The following UGGT2 variants were observed in gnomAD, a reference collection of about 807,000 sequenced individuals.
UGGT2 encodes the protein UDP-glucose:glycoprotein glucosyltransferase 2.
UGGT2 carries 180 observed loss-of-function variants against 192.1 expected under a neutral mutation model. The ratio of observed to expected loss-of-function variants is 0.94; its 90% CI spans 0.83 to 1.06. The LOEUF (loss-of-function observed/expected upper bound fraction) is 1.06, where lower values mean the gene tolerates loss of function less well. UGGT2 is among the 50% of genes least tolerant of loss of function. The pLI is 0.00. For missense variants in UGGT2, 1,849 were observed against 1,795.7 expected (o/e 1.03, Z -0.54); for synonymous variants, 580 against 591.0 (o/e 0.98, Z 0.27).
At chr13:95,816,371 A>C (rs1361513168) in intron 38 of UGGT2, among the ~76,000 whole-genome samples, 1 of 152,166 alleles carries the variant, frequency 6.6e-6, no homozygotes, top group East Asian at 1.9e-4. Flanking sequence ...TCAGCCTCTT[A>C]GGTTAAATAC....
Position 95,814,259 on chromosome 13 carries a change from T to C in UGGT2, c.4529-12447A>G, listed in dbSNP as rs146162231. Among the ~76,000 whole-genome samples the C allele has an allele frequency of 1.5e-3, 233 of 152,318 alleles. 1 individual carries two copies. Among genetic ancestry groups the C allele is most frequent in the African/African-American group, 5.2e-3 (218 of 41,572 alleles). On this transcript the variant is annotated intron_variant, in intron 38 of 38. Transcript: ENST00000376747. ...TTGCACCTTCAGTGTGGAAAAGCTGTAGGCACTCAACTCTAGCCTGTGAGA... is the reference window on the plus strand; with the variant it reads ...TTGCACCTTCAGTGTGGAAAAGCTGCAGGCACTCAACTCTAGCCTGTGAGA...
At chr13:95,910,537 A>T (rs1019871973) in intron 20 of UGGT2, among the ~76,000 whole-genome samples, 1 of 152,218 alleles carries the variant, frequency 6.6e-6, no homozygotes, top group Non-Finnish European at 1.5e-5. Context: ...AAGAATAGCT[A>T]ACTATCCCAA....
chr13:95,929,352 G>A (rs573999026), intron 17 of UGGT2, among the ~76,000 whole-genome samples: 14 of 152,296 alleles, frequency 9.2e-5, no homozygotes, highest in Admixed American at 7.8e-4. Flanking sequence ...CAACACAGGT[G>A]TATCATGTAA....
Position 95,942,163 on chromosome 13 carries a change from T to C in UGGT2, c.1678-2072A>G, listed in dbSNP as rs139242235. 3.2e-3 allele frequency among the ~76,000 whole-genome samples: 479 copies of C among 152,036 alleles called. 3 individuals carry two copies. The highest frequency in any genetic ancestry group is 0.011 in the African/African-American group (454 of 41,444). ...TATCATAGTTTGTTGCTATTCTGAA[T>C]GATTCTGCTAACAATAGCCTCCTAA... is the stretch of plus-strand genomic sequence containing the variant. On this transcript the variant is annotated intron_variant, in intron 15 of 38. Coordinates refer to ENST00000376747, the MANE Select transcript of UGGT2 (RefSeq NM_020121.4).
chr13:95,932,430 T>C (rs923089794), intron 17 of UGGT2, among the ~76,000 whole-genome samples: 4 of 151,990 alleles, frequency 2.6e-5, no homozygotes, highest in Non-Finnish European at 5.9e-5. Context: ...ATGCTACTGA[T>C]TGCTGTGCAT....
intron 20 of UGGT2, among the ~76,000 whole-genome samples, 194 bp downstream of exon 20, chr13:95,925,486 G>C (rs1030758725): frequency 6.6e-6 from 1 of 152,126 alleles, no homozygotes; most frequent in African/African-American, 2.4e-5. Context: ...TATGTCACGA[G>C]TCATAGAAAA....
intron 38 of UGGT2, among the ~76,000 whole-genome samples, chr13:95,808,301 T>A (rs938439277): frequency 6.6e-6 from 1 of 152,152 alleles, no homozygotes; most frequent in African/African-American, 2.4e-5. Context: ...ATAAGAATAT[T>A]ACTGATCTTA....
chr13:95,995,592 TAC>T (rs1014577573), intron 7 of UGGT2, among the ~76,000 whole-genome samples: 5 of 151,680 alleles, frequency 3.3e-5, no homozygotes, highest in African/African-American at 7.3e-5. Context: ...AAATCTGCAA[TAC>T]ACACAAACTG....
chr13:95,939,932 C>T, intron 16 of UGGT2, 25 bp downstream of exon 16: 1 of 1,565,914 alleles, frequency 6.4e-7, no homozygotes, highest in Non-Finnish European at 8.7e-7. Flanking sequence ...TGGCCTACTC[C>T]ACTTAACATA....
intron 20 of UGGT2, among the ~76,000 whole-genome samples, chr13:95,907,788 G>A (rs535269377): frequency 6.6e-6 from 1 of 152,224 alleles, no homozygotes; most frequent in Non-Finnish European, 1.5e-5. Context: ...CAAAGATGGG[G>A]AGAAAGTACA....
chr13:95,933,184 A>G (rs954224209), intron 17 of UGGT2, among the ~76,000 whole-genome samples: 1 of 152,216 alleles, frequency 6.6e-6, no homozygotes, highest in African/African-American at 2.4e-5. Context: ...TACATCTGGC[A>G]GAATTCAGTT....
chr13:95,949,111 T>C (rs1248778265), intron 13 of UGGT2, among the ~76,000 whole-genome samples: 2 of 152,284 alleles, frequency 1.3e-5, no homozygotes, highest in Middle Eastern at 3.4e-3. Context: ...CTTTATAAAT[T>C]ACCCAGTCTC....
chr13:95,989,164 T>C (rs2051382204), intron 8 of UGGT2, among the ~76,000 whole-genome samples: 1 of 152,046 alleles, frequency 6.6e-6, no homozygotes, highest in Admixed American at 6.6e-5. Flanking sequence ...TAAAAACTAT[T>C]GAATGGTAGA....
chr13:96,022,942 G>T, intron 4 of UGGT2, 98 bp downstream of exon 4: 1 of 718,502 alleles, frequency 1.4e-6, no homozygotes, highest in Non-Finnish European at 2.0e-6. Flanking sequence ...AATATACAAT[G>T]TCTTAGAATA....
intron 36 of UGGT2, among the ~76,000 whole-genome samples, chr13:95,844,137 C>T (rs764482950): frequency 1.3e-4 from 20 of 151,698 alleles, no homozygotes; most frequent in Non-Finnish European, 2.2e-4. Flanking sequence ...ATTTTTTATA[C>T]TTTTAGTAGA....
chr13:95,871,275 A>T (rs1891196969), intron 29 of UGGT2, among the ~76,000 whole-genome samples: 1 of 152,222 alleles, frequency 6.6e-6, no homozygotes, highest in Non-Finnish European at 1.5e-5. Flanking sequence ...GAGTATGCAT[A>T]GTCATCCATT....
At chr13:95,877,496 G>C in intron 28 of UGGT2, 132 bp from the exon 29 acceptor site, 5 of 969,362 alleles carry the variant, frequency 5.2e-6, no homozygotes, top group Non-Finnish European at 5.9e-6. Flanking sequence ...TCAATTCCAA[G>C]TAAAGAGATT....
At chr13:95,909,598 G>C (rs1169210132) in intron 20 of UGGT2, among the ~76,000 whole-genome samples, 2 of 106,968 alleles carry the variant, frequency 1.9e-5, no homozygotes, top group Non-Finnish European at 3.5e-5. Context: ...ACTGGGGACT[G>C]TTGTGGGGTG....
At chr13:95,894,416 T>C in intron 24 of UGGT2, 146 bp downstream of exon 24, 1 of 562,558 alleles carries the variant, frequency 1.8e-6, no homozygotes, top group East Asian at 3.1e-5. Context: ...CTAACTGGAA[T>C]TTATCTTCCT....
Sources: allele counts gnomAD v4.1 joint callset (sites outside exome capture counted in the v4.1 genomes callset), GRCh38; gene constraint gnomAD v4.1.1; transcripts MANE v1.5; gene names NCBI Gene and HGNC (gene_info 2026-07-23, HGNC 2026-07-21).